The following RALYL variants were observed in gnomAD, a reference collection of about 807,000 sequenced individuals.
The protein encoded by RALYL is RNA-binding Raly-like protein.
RALYL carries 29 observed loss-of-function variants against 35.1 expected under a neutral mutation model. That is an observed-to-expected ratio of 0.83 (90% confidence interval 0.61 to 1.13). The LOEUF (loss-of-function observed/expected upper bound fraction) is 1.13. Ranked by LOEUF, RALYL falls within the 50% of genes most tolerant of loss-of-function variation. The pLI is 0.00. For synonymous variants in RALYL, 120 were observed against 127.6 expected, an observed-to-expected ratio of 0.94 and a Z score of 0.40; for missense variants, 359 against 360.4, an observed-to-expected ratio of 1.00 and a Z score of 0.03.
At chr8:84,341,647 T>C (rs1445646811) in intron 1 of RALYL, among the ~76,000 whole-genome samples, 1 of 152,082 alleles carries the variant, frequency 6.6e-6, no homozygotes, top group Non-Finnish European at 1.5e-5. Context: ...GAATGACTGC[T>C]TGTTTTATTT....
chr8:84,889,363 C>G (rs777905709), intron 8 of RALYL, among the ~76,000 whole-genome samples: 1 of 152,152 alleles, frequency 6.6e-6, no homozygotes, highest in Admixed American at 6.6e-5. Context: ...ACAATGGTTA[C>G]TTCTCTGTTC....
At chr8:84,720,485 T>G (rs1461468110) in intron 2 of RALYL, among the ~76,000 whole-genome samples, 1 of 152,142 alleles carries the variant, frequency 6.6e-6, no homozygotes, top group African/African-American at 2.4e-5. Context: ...TATCCCTCAC[T>G]GTATAAAAAA....
intron 1 of RALYL, among the ~76,000 whole-genome samples, chr8:84,243,891 C>T (rs1828532404): frequency 6.6e-6 from 1 of 152,150 alleles, no homozygotes; most frequent in South Asian, 2.1e-4. Context: ...GGAGGACATG[C>T]ACCCTCTCTT....
intron 1 of RALYL, chr8:84,346,018 G>C: frequency 1.1e-6 from 1 of 880,606 alleles, no homozygotes. Flanking sequence ...ATTATAACTT[G>C]TATGCATTTC....
chr8:84,595,383 G>A (rs1396110924), intron 2 of RALYL, among the ~76,000 whole-genome samples: 1 of 152,070 alleles, frequency 6.6e-6, no homozygotes, highest in Non-Finnish European at 1.5e-5. Flanking sequence ...ATCTCAAAGT[G>A]AACAGCTCAC....
At chr8:84,298,424 T>C (rs1381547547) in intron 1 of RALYL, among the ~76,000 whole-genome samples, 3 of 152,118 alleles carry the variant, frequency 2.0e-5, no homozygotes, top group East Asian at 1.9e-4. Context: ...TCTATTGTGT[T>C]TGTATTTGTG....
At chr8:84,323,484 A>G (rs1156952251) in intron 1 of RALYL, among the ~76,000 whole-genome samples, 1 of 152,092 alleles carries the variant, frequency 6.6e-6, no homozygotes, top group Non-Finnish European at 1.5e-5. Flanking sequence ...GGAACTTTGA[A>G]TTATACTTTC....
chr8:84,840,029 A>G (rs891502275), intron 4 of RALYL, among the ~76,000 whole-genome samples: 13 of 152,222 alleles, frequency 8.5e-5, no homozygotes, highest in Non-Finnish European at 1.6e-4. Flanking sequence ...AAAACAGAGC[A>G]GAAAAACTGG....
chr8:84,423,674 G>A (rs2045965879), intron 1 of RALYL, among the ~76,000 whole-genome samples: 2 of 151,810 alleles, frequency 1.3e-5, no homozygotes, highest in Admixed American at 6.6e-5. Context: ...GCATGGTTTT[G>A]CAGTGGCTGG....
At chr8:84,403,307 C>T (rs2043108996) in intron 1 of RALYL, among the ~76,000 whole-genome samples, 1 of 151,854 alleles carries the variant, frequency 6.6e-6, no homozygotes, top group African/African-American at 2.4e-5. Context: ...TACATTTAAT[C>T]TTTAATCCAT....
At chr8:84,375,885 C>A (rs946404172) in intron 1 of RALYL, among the ~76,000 whole-genome samples, 1 of 151,922 alleles carries the variant, frequency 6.6e-6, no homozygotes, top group East Asian at 1.9e-4. Context: ...TTGAGAAACA[C>A]AACTGCCATT....
At chr8:84,592,159 C>T (rs761285391) in intron 2 of RALYL, among the ~76,000 whole-genome samples, 1 of 152,114 alleles carries the variant, frequency 6.6e-6, no homozygotes, top group Non-Finnish European at 1.5e-5. Context: ...ACCCAATTTC[C>T]AAAAGGCCAG....
chr8:84,849,705 C>A (rs1167556227), intron 4 of RALYL, among the ~76,000 whole-genome samples: 2 of 151,872 alleles, frequency 1.3e-5, no homozygotes, highest in African/African-American at 4.8e-5. Context: ...ACTACAGGCG[C>A]CCGAAAAGTT....
At chr8:84,229,734 G>A (rs552934598) in intron 1 of RALYL, among the ~76,000 whole-genome samples, 9 of 152,284 alleles carry the variant, frequency 5.9e-5, no homozygotes, top group African/African-American at 2.2e-4. Context: ...ATTATAGTTA[G>A]AAGTAACCTT....
chr8:84,844,767 C>A (rs1398606763), intron 4 of RALYL, among the ~76,000 whole-genome samples: 1 of 152,208 alleles, frequency 6.6e-6, no homozygotes, highest in Non-Finnish European at 1.5e-5. Context: ...GGCACATATA[C>A]AGCATGGAAT....
chr8:84,523,358 A>G lies in RALYL; in HGVS notation c.-23-5941A>G, dbSNP rs554062228. ...ATGAGAACAGCATGGGGAAAAAAAA[A>G]CCCACTCCCATGATTCAATTACCTC... On this transcript the variant is annotated intron_variant, in intron 1 of 8. Transcript: ENST00000521268. 1.4e-3 allele frequency among the ~76,000 whole-genome samples: 209 copies of G among 151,940 alleles called. 3 individuals are homozygous for G. The highest frequency in any genetic ancestry group is 1.9e-4 in the East Asian group (1 of 5,160).
intron 1 of RALYL, among the ~76,000 whole-genome samples, chr8:84,432,633 C>A (rs185091568): frequency 1.6e-4 from 24 of 152,084 alleles, no homozygotes; most frequent in African/African-American, 5.5e-4. Flanking sequence ...GGTGTCCTTG[C>A]TGATATAATT....
intron 1 of RALYL, among the ~76,000 whole-genome samples, chr8:84,299,613 G>A (rs1010375745): frequency 6.6e-6 from 1 of 151,830 alleles, no homozygotes; most frequent in Non-Finnish European, 1.5e-5. Flanking sequence ...TTCCCTGGTT[G>A]GTCGGCTTTT....
chr8:84,437,708 T>C (rs2047893293), intron 1 of RALYL, among the ~76,000 whole-genome samples: 1 of 152,094 alleles, frequency 6.6e-6, no homozygotes, highest in African/African-American at 2.4e-5. Context: ...ATCATGAAGA[T>C]AGATCCCTGA....
Sources: allele counts gnomAD v4.1 joint callset (sites outside exome capture counted in the v4.1 genomes callset), GRCh38; gene constraint gnomAD v4.1.1; transcripts MANE v1.5; gene names NCBI Gene and HGNC (gene_info 2026-07-23, HGNC 2026-07-21).